PTPRN2: variants seen among roughly 807,000 people sequenced by gnomAD.
PTPRN2 encodes protein tyrosine phosphatase receptor type N2.
In PTPRN2, 74 loss-of-function variants were observed where a neutral mutation model predicts 118.8. That is an observed-to-expected ratio of 0.62 (90% CI 0.52 to 0.76). PTPRN2 has a LOEUF of 0.76. PTPRN2 is among the 30% of genes least tolerant of loss of function. The pLI is 0.00. For missense variants in PTPRN2, 1,481 were observed against 1,394.4 expected (o/e 1.06, Z -0.99); for synonymous variants, 641 against 608.0 (o/e 1.05, Z -0.80).
Position 157,869,181 on chromosome 7 carries a change from G to A in PTPRN2, c.1788+29492C>T, listed in dbSNP as rs929365923. On this transcript the variant is annotated intron_variant, in intron 12 of 22. Transcript: ENST00000389418. The surrounding 1 kb of genome is among the most constrained non-coding windows in gnomAD (Gnocchi z 4.2). ...AAATCTTTCCTGATACCTCAACTTT[G>A]CCAGGGTCCTAAGCGTGTGCTTAGG... The A allele has an allele frequency of 3.9e-5, 6 of 152,106 alleles. No homozygotes were observed. The highest frequency in any genetic ancestry group is 1.2e-4 in the African/African-American group (5 of 41,414). 9.4% of individuals were successfully genotyped at this position (152,106 alleles called of 1,614,324 possible).
At position 157,676,531 on chromosome 7, in the gene PTPRN2, G is replaced by A. The variant is rs6459801; in HGVS notation, c.2001+6194C>T. Among the ~76,000 whole-genome samples, 19,108 of 152,168 alleles carry A rather than the reference G, an allele frequency of 0.13. 1,340 individuals are homozygous for A. Among genetic ancestry groups the A allele is most frequent in the African/African-American group, 0.17 (7,250 of 41,512 alleles). ...AATCTCCCACAGTGCCTCACACTACGAGGGAAGATGGTGGAGGAGCTGTCC... is the reference window on the plus strand; with the variant it reads ...AATCTCCCACAGTGCCTCACACTACAAGGGAAGATGGTGGAGGAGCTGTCC... On this transcript the variant is annotated intron_variant, in intron 13 of 22. Transcript: ENST00000389418. The surrounding 1 kb of genome is among the most constrained non-coding windows in gnomAD (Gnocchi z 5.6).
chr7:157,544,544 A>G (rs1031298899), intron 22 of PTPRN2, among the ~76,000 whole-genome samples: 1 of 152,044 alleles, frequency 6.6e-6, no homozygotes, highest in Non-Finnish European at 1.5e-5. Flanking sequence ...CCGTCCAGTG[A>G]GGAGGGGGCG....
intron 21 of PTPRN2, among the ~76,000 whole-genome samples, chr7:157,558,526 T>C (rs1228062168): frequency 6.6e-6 from 1 of 152,218 alleles, no homozygotes. Flanking sequence ...ATTGTGAATA[T>C]TGAACAGGTG....
At chr7:157,712,597 A>G (rs181799211) in intron 12 of PTPRN2, among the ~76,000 whole-genome samples, 6 of 152,188 alleles carry the variant, frequency 3.9e-5, no homozygotes, top group African/African-American at 1.4e-4. Flanking sequence ...CTTAAAATGT[A>G]AAAATTAGCC....
At chr7:158,440,975 GGTA>G (rs563176478) in intron 2 of PTPRN2, among the ~76,000 whole-genome samples, 32 of 148,862 alleles carry the variant, frequency 2.1e-4, no homozygotes, top group Middle Eastern at 3.5e-3. Context: ...TGGTGTTGGT[GGTA>G]GTGGTGGTGG....
At chr7:158,342,170 C>T (rs1328436862) in intron 2 of PTPRN2, among the ~76,000 whole-genome samples, 17 of 147,000 alleles carry the variant, frequency 1.2e-4, no homozygotes, top group African/African-American at 4.4e-4. Flanking sequence ...CACACTCTCA[C>T]CATAAGAGCC....
At chr7:158,049,380 A>C (rs1279558820) in intron 11 of PTPRN2, among the ~76,000 whole-genome samples, 1 of 151,950 alleles carries the variant, frequency 6.6e-6, no homozygotes, top group Non-Finnish European at 1.5e-5. Context: ...GGTGACTCCA[A>C]CTCCGACACT....
intron 5 of PTPRN2, among the ~76,000 whole-genome samples, chr7:158,174,291 T>G (rs75006560): frequency 0.021 from 3,138 of 152,132 alleles, 98 homozygotes; most frequent in African/African-American, 0.072. Flanking sequence ...ATCAACAATA[T>G]CATCTCCACT....
At chr7:157,720,126 A>T (rs899720180) in intron 12 of PTPRN2, among the ~76,000 whole-genome samples, 9 of 152,174 alleles carry the variant, frequency 5.9e-5, no homozygotes, top group African/African-American at 2.2e-4. Context: ...CGCTTATAGG[A>T]GCAATTTCTT....
At chr7:158,533,765 G>T (rs1825424380) in intron 1 of PTPRN2, among the ~76,000 whole-genome samples, 1 of 152,232 alleles carries the variant, frequency 6.6e-6, no homozygotes. Context: ...GCTTTCCAGG[G>T]TGCCCTGATG....
Position 157,619,165 on chromosome 7 carries a change from T to A in PTPRN2, c.2344+2197A>T, listed in dbSNP as rs1323461340. 1.3e-5 allele frequency among the ~76,000 whole-genome samples: 2 copies of A among 152,100 alleles called. No homozygotes were observed. The highest frequency in any genetic ancestry group is 1.5e-5 in the Non-Finnish European group (1 of 68,012). On this transcript the variant is annotated intron_variant, in intron 15 of 22. Transcript: ENST00000389418. The surrounding 1 kb of genome is among the most constrained non-coding windows in gnomAD (Gnocchi z 5.3). Reference sequence around the variant, plus strand: ...ACTGTACAGACAGAGCCCAGAAGGCTGCAGGGCACACGGGAGGAAAACCCC... The same window carrying A: ...ACTGTACAGACAGAGCCCAGAAGGCAGCAGGGCACACGGGAGGAAAACCCC...
intron 1 of PTPRN2, among the ~76,000 whole-genome samples, chr7:158,505,879 T>A (rs1822709819): frequency 6.6e-6 from 1 of 152,136 alleles, no homozygotes; most frequent in South Asian, 2.1e-4. Flanking sequence ...TAAGCAGGCA[T>A]CCAGTAATCC....
At chr7:158,370,645 A>G (rs1032397626) in intron 2 of PTPRN2, among the ~76,000 whole-genome samples, 5 of 150,932 alleles carry the variant, frequency 3.3e-5, no homozygotes, top group African/African-American at 1.2e-4. Flanking sequence ...CCAGCTACTC[A>G]GGAGGCTGAA....
At chr7:158,127,347 C>T (rs879408497) in intron 9 of PTPRN2, among the ~76,000 whole-genome samples, 2 of 152,096 alleles carry the variant, frequency 1.3e-5, no homozygotes, top group East Asian at 1.9e-4. Flanking sequence ...ATCCTCTGCA[C>T]GTGGCCCGGG....
At chr7:158,460,791 G>A (rs1563321520) in intron 2 of PTPRN2, among the ~76,000 whole-genome samples, 1 of 152,262 alleles carries the variant, frequency 6.6e-6, no homozygotes, top group Non-Finnish European at 1.5e-5. Flanking sequence ...TTATTCTGAT[G>A]TTGATGCAAG....
chr7:157,661,349 C>T (rs1192908911), intron 13 of PTPRN2, among the ~76,000 whole-genome samples: 3 of 152,282 alleles, frequency 2.0e-5, no homozygotes, highest in Non-Finnish European at 4.4e-5. Context: ...GGCGGCAGCT[C>T]TTCGCCTGTG....
rs1348139547 is a variant in PTPRN2 at position 157,779,200 on chromosome 7, T to A, written c.1789-96263A>T. ...CATTGAGGATGCTGGACACGGCTTA[T>A]CTCCTGGAGGAGGGCTGCCTCCTTG... On this transcript the variant is annotated intron_variant, in intron 12 of 22. Coordinates refer to ENST00000389418, the MANE Select transcript of PTPRN2 (RefSeq NM_002847.5). The surrounding 1 kb of genome is among the most constrained non-coding windows in gnomAD (Gnocchi z 4.7). Among the ~76,000 whole-genome samples, 1 of 152,124 alleles carries A rather than the reference T, an allele frequency of 6.6e-6. No homozygotes were observed. The highest frequency in any genetic ancestry group is 1.5e-5 in the Non-Finnish European group (1 of 68,000).
chr7:158,062,801 C>T (rs956779451), intron 11 of PTPRN2, among the ~76,000 whole-genome samples: 1 of 152,222 alleles, frequency 6.6e-6, no homozygotes, highest in African/African-American at 2.4e-5. Flanking sequence ...GCCTCAGCTG[C>T]CTCCCCATGG....
At chr7:157,752,712 C>T (rs1801554109) in intron 12 of PTPRN2, among the ~76,000 whole-genome samples, 1 of 152,244 alleles carries the variant, frequency 6.6e-6, no homozygotes, top group South Asian at 2.1e-4. Flanking sequence ...TCCTCTCCTA[C>T]CTGGAGTCCA....
Sources: allele counts gnomAD v4.1 joint callset (sites outside exome capture counted in the v4.1 genomes callset), GRCh38; gene constraint gnomAD v4.1.1; non-coding constraint Gnocchi (gnomAD v3.1); transcripts MANE v1.5; gene names NCBI Gene and HGNC (gene_info 2026-07-23, HGNC 2026-07-21).